The following MRPS14 variants were observed in gnomAD, a reference collection of about 807,000 sequenced individuals.
The protein encoded by MRPS14 is mitochondrial ribosomal protein S14.
Under a neutral mutation model 16.4 loss-of-function variants are expected in MRPS14, and 14 were observed. That is an observed-to-expected ratio of 0.85 (90% confidence interval 0.56 to 1.33). The LOEUF is 1.33. Ranked by LOEUF, MRPS14 falls within the 40% of genes most tolerant of loss-of-function variation. The pLI is 0.00. For missense variants in MRPS14, 162 were observed against 176.8 expected (o/e 0.92, Z 0.48); for synonymous variants, 54 against 61.9 (o/e 0.87, Z 0.60).
At chr1:175,016,449 T>C (rs1672883468) in intron 2 of MRPS14, among the ~76,000 whole-genome samples, 1 of 152,112 alleles carries the variant, frequency 6.6e-6, no homozygotes, top group African/African-American at 2.4e-5. Flanking sequence ...GTAGGAAAGA[T>C]AAAAGCCTCA....
In MRPS14 at chr1:175,013,037, G is replaced by C. The variant is rs956524285; in HGVS notation, c.*1632C>G. ...AGCATGTATATATATCAAGTTGGCA[G>C]TATAAACTACTTGCAAGTAACTTTA... On this transcript the variant is annotated 3_prime_UTR_variant, in exon 3 of 3. Coordinates refer to ENST00000476371, the MANE Select transcript of MRPS14 (RefSeq NM_022100.3). 1.3e-5 allele frequency: 2 copies of C among 152,200 alleles called. No individual in the cohort carries two copies. The highest frequency in any genetic ancestry group is 4.8e-5 in the African/African-American group (2 of 41,450). The allele number at this position is 152,200 out of a possible 1,614,324, so 9.4% of individuals were successfully genotyped here.
chr1:175,018,483 A>G lies in MRPS14; in HGVS notation c.139T>C (p.Tyr47His). ...DVKRRKMAYEYADERLRINSL... is the reference protein window; with the variant it reads ...DVKRRKMAYEHADERLRINSL... ...TTAATACGTAGCCTCTCATCTGCGT[A>G]TTCATAGGCCATTTTTCGTCTCTTC... Residue 47 changes from tyrosine (Y) to histidine (H), a missense_variant, in exon 2 of 3, where the codon TAC becomes CAC. Coordinates refer to ENST00000476371, the MANE Select transcript of MRPS14 (RefSeq NM_022100.3). The G allele has an allele frequency of 6.2e-7, 1 of 1,611,446 alleles. No individual in the cohort carries two copies. Among genetic ancestry groups the G allele is most frequent in the Non-Finnish European group, 8.5e-7 (1 of 1,178,388 alleles).
chr1:175,023,126 T>C (rs1016261855), intron 1 of MRPS14: 9 of 985,394 alleles, frequency 9.1e-6, no homozygotes, highest in Non-Finnish European at 1.3e-5. Context: ...CTTACTCCCT[T>C]ACAAATCGGA....
intron 2 of MRPS14, among the ~76,000 whole-genome samples, chr1:175,015,370 T>A (rs1253557599): frequency 6.6e-6 from 1 of 152,238 alleles, no homozygotes; most frequent in African/African-American, 2.4e-5. Flanking sequence ...TTAACTCATT[T>A]GTAAAGTATG....
Position 175,018,444 on chromosome 1 carries a change from T to C in MRPS14, c.178A>G (p.Asn60Asp), listed in dbSNP as rs751603880. The C allele has an allele frequency of 1.9e-5, 30 of 1,602,702 alleles. No homozygotes were observed. Among genetic ancestry groups the C allele is most frequent in the Non-Finnish European group, 2.3e-5 (27 of 1,177,122 alleles). The change falls in exon 2 of 3, where the codon AAT (asparagine) becomes GAT (aspartate). Residue 60 changes from asparagine to aspartate, a missense_variant. Transcript: ENST00000476371. ...ERLRINSLRKNTILPKILQDV... is the reference protein window; with the variant it reads ...ERLRINSLRKDTILPKILQDV... ...TGAAGAATTTTTGGCAAAATGGTAT[T>C]CTTCCTGAGTGAATTAATACGTAGC...
intron 1 of MRPS14, among the ~76,000 whole-genome samples, chr1:175,021,638 T>G (rs1326173690): frequency 6.6e-6 from 1 of 152,196 alleles, no homozygotes; most frequent in African/African-American, 2.4e-5. Flanking sequence ...TAGCCTGAAT[T>G]CCATTGTTCT....
chr1:175,019,375 G>A (rs533132438), intron 1 of MRPS14, among the ~76,000 whole-genome samples: 4 of 152,220 alleles, frequency 2.6e-5, no homozygotes, highest in African/African-American at 7.2e-5. Flanking sequence ...TATACCTCCC[G>A]GGTTCAAGCA....
At chr1:175,020,711 G>T (rs1672966188) in intron 1 of MRPS14, among the ~76,000 whole-genome samples, 1 of 152,170 alleles carries the variant, frequency 6.6e-6, no homozygotes, top group Middle Eastern at 3.2e-3. Flanking sequence ...GTTTCTCCAT[G>T]TTGGTCAGGC....
chr1:175,016,754 A>G (rs995683276), intron 2 of MRPS14, among the ~76,000 whole-genome samples: 1 of 152,160 alleles, frequency 6.6e-6, no homozygotes, highest in Non-Finnish European at 1.5e-5. Context: ...CAATGAAGTT[A>G]ATGAATGCAT....
chr1:175,018,581 A>C lies in MRPS14; in HGVS notation c.46-5T>G. ...TGAAGCTGATGAAGGAACCATCTGA[A>C]AGACAGAGACAAGGGACAAGTGAAG... On this transcript the variant is annotated splice_region_variant and splice_polypyrimidine_tract_variant and intron_variant, in intron 1 of 2. Coordinates refer to ENST00000476371, the MANE Select transcript of MRPS14 (RefSeq NM_022100.3). The C allele has an allele frequency of 6.3e-7, 1 of 1,589,760 alleles. No homozygotes were observed. The highest frequency in any genetic ancestry group is 8.5e-7 in the Non-Finnish European group (1 of 1,170,358).
chr1:175,014,607 TC>T lies in MRPS14; in HGVS notation c.*61del. 1 of 1,528,254 alleles carries T rather than the reference TC, an allele frequency of 6.5e-7. No individual in the cohort carries two copies. Among genetic ancestry groups the T allele is most frequent in the South Asian group, 1.3e-5 (1 of 78,348 alleles). 94.7% of individuals were successfully genotyped at this position (1,528,254 alleles called of 1,614,324 possible). A position where few individuals can be genotyped will look rare whatever the true frequency, so the allele number is the denominator to read the frequency against. On this transcript the variant is annotated 3_prime_UTR_variant, in exon 3 of 3. Transcript: ENST00000476371. ...TTAGGGTTTGGTCTATTAAAAAAAATCTTTGCTTGCTGGAACTGCAAGCTTG... is the reference window on the plus strand; with the variant it reads ...TTAGGGTTTGGTCTATTAAAAAAAATTTTGCTTGCTGGAACTGCAAGCTTG...
At chr1:175,019,793 T>C (rs1295436178) in intron 1 of MRPS14, among the ~76,000 whole-genome samples, 1 of 152,200 alleles carries the variant, frequency 6.6e-6, no homozygotes, top group Non-Finnish European at 1.5e-5. Flanking sequence ...GATAAGTCTC[T>C]CTCAAACCAG....
rs1304534677 is a variant in MRPS14, at chr1:175,014,230, T to A, written c.*439A>T. 3 of 230,752 alleles carry A rather than the reference T, an allele frequency of 1.3e-5. No individual in the cohort carries two copies. The highest frequency in any genetic ancestry group is 6.7e-5 in the African/African-American group (3 of 44,458). 14.3% of individuals were successfully genotyped at this position (230,752 alleles called of 1,614,324 possible). A position where few individuals can be genotyped will look rare whatever the true frequency, so the allele number is the denominator to read the frequency against. On this transcript the variant is annotated 3_prime_UTR_variant, in exon 3 of 3. Coordinates refer to ENST00000476371, the MANE Select transcript of MRPS14 (RefSeq NM_022100.3). ...CAATCTGTTTATCTAACAATAATAG[T>A]TAAGGGGAGCTCTGCAGGTCAGCAA...
At chr1:175,018,231 G>GT (rs1485459751) in intron 2 of MRPS14, among the ~76,000 whole-genome samples, 187 bp downstream of exon 2, 1 of 152,200 alleles carries the variant, frequency 6.6e-6, no homozygotes, top group Non-Finnish European at 1.5e-5. Flanking sequence ...TGTAAGGCTA[G>GT]TTAGGAGTGA....
rs552199059 is a variant in MRPS14 at position 175,017,131 on chromosome 1, T to C, written c.204+1287A>G. Among the ~76,000 whole-genome samples the C allele has an allele frequency of 2.0e-5, 3 of 152,038 alleles. No individual in the cohort carries two copies. In the South Asian group the frequency reaches 6.3e-4, roughly 32 times the overall value. On this transcript the variant is annotated intron_variant, in intron 2 of 2. Coordinates refer to ENST00000476371, the MANE Select transcript of MRPS14 (RefSeq NM_022100.3). Reference sequence around the variant, plus strand: ...GCGTACTGGCGTGATCTCGGTTCACTGTAACCTCTGCCTCCCGAGTTCAAG... The same window carrying C: ...GCGTACTGGCGTGATCTCGGTTCACCGTAACCTCTGCCTCCCGAGTTCAAG...
chr1:175,014,778 A>G lies in MRPS14; in HGVS notation c.278T>C (p.Met93Thr), dbSNP rs150535532. ...CTTCACACCACGCGGACGGGACGTC[A>G]TAACACACCGATTTCTGATTCTAAC... The part of the protein sequence containing the change: ...CPVRIRNRCV[M>T]TSRPRGVKRR... The change falls in exon 3 of 3, where the codon ATG (methionine) becomes ACG (threonine). Residue 93 changes from methionine (M) to threonine (T), a missense_variant. Coordinates refer to ENST00000476371, the MANE Select transcript of MRPS14 (RefSeq NM_022100.3). The G allele has an allele frequency of 1.1e-4, 178 of 1,614,176 alleles. No homozygotes were observed. The East Asian group carries it at 3.8e-3, about 35-fold the overall frequency.
rs376643723 is a variant in MRPS14 at position 175,014,725 on chromosome 1, A to G, written c.331T>C (p.Phe111Leu). ...KRRWRLSRIV[F>L]RHLADHGQLS... ...TGCCCATGGTCAGCTAAGTGACGGA[A>G]GACTATACGACTAAGCCTCCAGCGC... The change falls in exon 3 of 3, where the codon TTC becomes CTC. Residue 111 changes from phenylalanine (F) to leucine (L), a missense_variant. Physicochemically the swap from Phe to Leu is conservative, Grantham distance 22. Coordinates refer to ENST00000476371, the MANE Select transcript of MRPS14 (RefSeq NM_022100.3). 6.7e-5 allele frequency: 108 copies of G among 1,613,878 alleles called. No individual in the cohort carries two copies. In the Middle Eastern group the frequency reaches 1.2e-3, roughly 17 times the overall value.
In MRPS14 at chr1:175,014,824, G is replaced by A. The variant is rs1473783646; in HGVS notation, c.232C>T (p.Leu78Phe). 1 of 1,613,982 alleles carries A rather than the reference G, an allele frequency of 6.2e-7. No homozygotes were observed. The highest frequency in any genetic ancestry group is 8.5e-7 in the Non-Finnish European group (1 of 1,179,976). Reference sequence around the variant, plus strand: ...CTAACAGGACAGCTATCCCGGGGGAGGGCAGCAATTTCTTCATCAGCCACA... The same window carrying A: ...CTAACAGGACAGCTATCCCGGGGGAAGGCAGCAATTTCTTCATCAGCCACA... ...QDVADEEIAA[L>F]PRDSCPVRIR... is the part of the protein sequence containing the mutation. Residue 78 changes from leucine to phenylalanine, a missense_variant, in exon 3 of 3, where the codon CTC becomes TTC. Coordinates refer to ENST00000476371, the MANE Select transcript of MRPS14 (RefSeq NM_022100.3).
rs756765596 is a variant in MRPS14 at position 175,014,738 on chromosome 1, A to G, written c.318T>C (p.Leu106=). The change falls in exon 3 of 3, where the codon CTT becomes CTC. Residue 106 remains leucine, a synonymous_variant. Transcript: ENST00000476371. ...RPRGVKRRWR[L]SRIVFRHLAD... ...CTAAGTGACGGAAGACTATACGACT[A>G]AGCCTCCAGCGCCGCTTCACACCAC... 1 of 1,614,082 alleles carries G rather than the reference A, an allele frequency of 6.2e-7. No homozygotes were observed. The highest frequency in any genetic ancestry group is 8.5e-7 in the Non-Finnish European group (1 of 1,180,002).
Sources: allele counts gnomAD v4.1 joint callset (sites outside exome capture counted in the v4.1 genomes callset), GRCh38; gene constraint gnomAD v4.1.1; transcripts MANE v1.5; gene names NCBI Gene and HGNC (gene_info 2026-07-23, HGNC 2026-07-21).